MRTFA: variants seen among roughly 807,000 people sequenced by gnomAD.
The protein encoded by MRTFA is myocardin related transcription factor A, also known as myocardin-related transcription factor A.
In MRTFA, 20 loss-of-function variants were observed where a neutral mutation model predicts 83.5. The ratio of observed to expected loss-of-function variants is 0.24; its 90% CI spans 0.17 to 0.35. The LOEUF (loss-of-function observed/expected upper bound fraction) is 0.35, where lower values mean the gene tolerates loss of function less well. Among genes scored for constraint, MRTFA ranks in the 10% least tolerant of loss-of-function variants. MRTFA has a pLI of 1.00. For missense variants in MRTFA, 1,200 were observed against 1,224.7 expected (o/e 0.98, Z 0.30); for synonymous variants, 659 against 541.2 (o/e 1.22, Z -3.02).
At chr22:40,622,727 G>A (rs1488242170) in intron 1 of MRTFA, among the ~76,000 whole-genome samples, 2 of 152,052 alleles carry the variant, frequency 1.3e-5, no homozygotes, top group Non-Finnish European at 2.9e-5. Flanking sequence ...CAGCCCTTCT[G>A]ACATCCTGAA....
At chr22:40,489,642 C>A (rs2054237982) in intron 3 of MRTFA, among the ~76,000 whole-genome samples, 1 of 151,932 alleles carries the variant, frequency 6.6e-6, no homozygotes, top group African/African-American at 2.4e-5. Flanking sequence ...AAGACTGAGT[C>A]AATATACAGA....
intron 3 of MRTFA, among the ~76,000 whole-genome samples, chr22:40,509,850 C>A (rs1485580059): frequency 6.6e-6 from 1 of 151,702 alleles, no homozygotes; most frequent in Non-Finnish European, 1.5e-5. Flanking sequence ...ATTTCCAGCC[C>A]CAGTGCAAGG....
At chr22:40,503,020 G>C (rs2054522363) in intron 3 of MRTFA, among the ~76,000 whole-genome samples, 1 of 151,566 alleles carries the variant, frequency 6.6e-6, no homozygotes, top group Non-Finnish European at 1.5e-5. Context: ...CCTCATCTAC[G>C]CACAGGGAAA....
chr22:40,613,049 T>C (rs1020060669), intron 1 of MRTFA, among the ~76,000 whole-genome samples: 1 of 152,212 alleles, frequency 6.6e-6, no homozygotes, highest in African/African-American at 2.4e-5. Context: ...TTTCTATGAC[T>C]ACAGGTTAGT....
In MRTFA at chr22:40,449,649, T is replaced by C. The variant is rs531152636; in HGVS notation, c.307+13572A>G. 4.6e-5 allele frequency among the ~76,000 whole-genome samples: 7 copies of C among 152,352 alleles called. No individual in the cohort carries two copies. The South Asian group carries it at 1.5e-3, about 32-fold the overall frequency. The stretch of plus-strand genomic sequence containing the variant: ...AGAAAGTAAGAATTTTATTTGCTTA[T>C]TCTCTAATACCAGGTGCTGATTAAA... On this transcript the variant is annotated intron_variant, in intron 4 of 14. Coordinates refer to ENST00000355630, the MANE Select transcript of MRTFA (RefSeq NM_020831.6).
At chr22:40,531,738 T>C (rs995028597) in intron 3 of MRTFA, among the ~76,000 whole-genome samples, 5 of 152,190 alleles carry the variant, frequency 3.3e-5, no homozygotes, top group Admixed American at 3.3e-4. Flanking sequence ...TCATAACAGA[T>C]GCTTTTTCAT....
At chr22:40,627,627 A>G (rs1385277185) in intron 1 of MRTFA, among the ~76,000 whole-genome samples, 1 of 152,244 alleles carries the variant, frequency 6.6e-6, no homozygotes, top group Non-Finnish European at 1.5e-5. Context: ...CATTTACTAG[A>G]GGCAAAGTTA....
At chr22:40,602,136 A>T (rs2056266475) in intron 1 of MRTFA, among the ~76,000 whole-genome samples, 1 of 152,246 alleles carries the variant, frequency 6.6e-6, no homozygotes, top group Non-Finnish European at 1.5e-5. Flanking sequence ...GGACCTATAC[A>T]AGACTACCAC....
Position 40,419,113 on chromosome 22 carries a change from A to G in MRTFA, c.1625T>C (p.Val542Ala). The G allele has an allele frequency of 6.3e-7, 1 of 1,592,870 alleles. No individual in the cohort carries two copies. The highest frequency in any genetic ancestry group is 8.5e-7 in the Non-Finnish European group (1 of 1,170,042). Residue 542 changes from valine to alanine, a missense_variant, in exon 12 of 15, where the codon GTG (valine) becomes GCG (alanine). By Grantham distance (64) the Val-to-Ala change is moderately conservative. Transcript: ENST00000355630. ...CGTGGAGCCCGTGCTGCCAAACTTC[A>G]CCACCCCACTGCTGGCCACCGTGGC...
intron 4 of MRTFA, among the ~76,000 whole-genome samples, chr22:40,453,859 C>A (rs972664794): frequency 8.6e-5 from 13 of 152,030 alleles, no homozygotes; most frequent in Non-Finnish European, 1.6e-4. Context: ...GGTAAGTTGC[C>A]CAGAAATTTA....
intron 3 of MRTFA, among the ~76,000 whole-genome samples, chr22:40,498,275 T>A (rs6001943): frequency 0.012 from 557 of 44,804 alleles, no homozygotes; most frequent in East Asian, 0.019. Context: ...ATATATATAT[T>A]TTTTTTTTTT....
At chr22:40,426,092 T>C (rs2052947615) in intron 7 of MRTFA, among the ~76,000 whole-genome samples, 2 of 152,126 alleles carry the variant, frequency 1.3e-5, no homozygotes, top group African/African-American at 2.4e-5. Flanking sequence ...CTGAGGGGCC[T>C]GGAGGAAGGG....
intron 1 of MRTFA, among the ~76,000 whole-genome samples, chr22:40,635,960 G>A (rs1350437937): frequency 6.6e-6 from 1 of 152,138 alleles, no homozygotes; most frequent in Admixed American, 6.5e-5. Flanking sequence ...GCTTTCTTAG[G>A]AGGTAAAGTT....
At chr22:40,575,941 A>T (rs182933595) in intron 2 of MRTFA, among the ~76,000 whole-genome samples, 3 of 150,790 alleles carry the variant, frequency 2.0e-5, no homozygotes, top group Admixed American at 2.0e-4. Context: ...AACACTAAGC[A>T]TTTTTTTCTG....
At chr22:40,518,312 G>A (rs1243032447) in intron 3 of MRTFA, among the ~76,000 whole-genome samples, 2 of 151,994 alleles carry the variant, frequency 1.3e-5, no homozygotes, top group African/African-American at 4.8e-5. Flanking sequence ...GTGGGCCTGA[G>A]CCCTTAACCT....
chr22:40,414,934 G>GCT (rs774902151), intron 14 of MRTFA: 2 of 151,362 alleles, frequency 1.3e-5, no homozygotes, highest in African/African-American at 2.4e-5. Flanking sequence ...GTGGGTTCTG[G>GCT]CCCCCCCTGT....
At chr22:40,457,296 C>T (rs1255609446) in intron 4 of MRTFA, among the ~76,000 whole-genome samples, 1 of 151,726 alleles carries the variant, frequency 6.6e-6, no homozygotes, top group Non-Finnish European at 1.5e-5. Flanking sequence ...ACCCAGGAGG[C>T]GGAGGTTGCA....
intron 3 of MRTFA, among the ~76,000 whole-genome samples, chr22:40,496,928 C>A (rs1036522012): frequency 6.6e-6 from 1 of 152,150 alleles, no homozygotes; most frequent in African/African-American, 2.4e-5. Flanking sequence ...TGTCCTCTAT[C>A]TCTAAAATGG....
chr22:40,528,977 G>C (rs1285651045), intron 3 of MRTFA, among the ~76,000 whole-genome samples: 3 of 152,010 alleles, frequency 2.0e-5, no homozygotes, highest in Non-Finnish European at 4.4e-5. Flanking sequence ...AAAAGATTTA[G>C]AGCATTAAGA....
Sources: gnomAD v4.1 joint callset for allele counts (sites outside exome capture counted in the v4.1 genomes callset) on GRCh38, gnomAD v4.1.1 for gene constraint, MANE v1.5 for transcripts, NCBI Gene and HGNC (gene_info 2026-07-23, HGNC 2026-07-21) for gene names.